Variants in HSF2BP observed in about 807,000 individuals in gnomAD.
HSF2BP encodes heat shock transcription factor 2 binding protein, also known as heat shock factor 2-binding protein.
A neutral mutation model predicts 35.0 loss-of-function variants in HSF2BP; 35 were observed. The observed-to-expected ratio is 1.00, with a 90% confidence interval of 0.76 to 1.32. The LOEUF (loss-of-function observed/expected upper bound fraction) is 1.32. HSF2BP is among the 40% of genes most tolerant of loss of function. The pLI is 0.00. For missense variants in HSF2BP, 326 were observed against 321.7 expected, an observed-to-expected ratio of 1.01 and a Z score of -0.10; for synonymous variants, 114 against 117.4, an observed-to-expected ratio of 0.97 and a Z score of 0.18.
At chr21:43,657,681 G>T (rs2082892487) in intron 2 of HSF2BP, among the ~76,000 whole-genome samples, 1 of 152,274 alleles carries the variant, frequency 6.6e-6, no homozygotes, top group African/African-American at 2.4e-5. Flanking sequence ...AAAATCGATG[G>T]AGGGCAGATT....
At chr21:43,628,799 G>A (rs2082419917) in intron 6 of HSF2BP, among the ~76,000 whole-genome samples, 1 of 152,196 alleles carries the variant, frequency 6.6e-6, no homozygotes, top group South Asian at 2.1e-4. Context: ...TGGTGCGGGT[G>A]ACTTTAATTG....
chr21:43,625,841 C>T lies in HSF2BP; in HGVS notation c.574+4481G>A, dbSNP rs181452276. ...CACCACAAACACAGGAAAACAGCCG[C>T]GCTGAGCTTGAATGCTGGGCAACAG... On this transcript the variant is annotated intron_variant, in intron 6 of 8. Transcript: ENST00000291560. 1.5e-4 allele frequency among the ~76,000 whole-genome samples: 23 copies of T among 152,306 alleles called. No individual in the cohort carries two copies. The East Asian group carries it at 3.9e-3, about 25-fold the overall frequency.
chr21:43,628,426 C>T (rs571705486), intron 6 of HSF2BP, among the ~76,000 whole-genome samples: 4 of 152,350 alleles, frequency 2.6e-5, no homozygotes, highest in Non-Finnish European at 5.9e-5. Flanking sequence ...AAGCCAAAGC[C>T]TAATTCAGAG....
At chr21:43,623,445 A>G (rs2082354254) in intron 6 of HSF2BP, among the ~76,000 whole-genome samples, 1 of 152,214 alleles carries the variant, frequency 6.6e-6, no homozygotes, top group African/African-American at 2.4e-5. Context: ...AAGGAAAGAA[A>G]TAATAAAGAT....
At chr21:43,646,691 T>C (rs890432582) in intron 3 of HSF2BP, among the ~76,000 whole-genome samples, 2 of 152,314 alleles carry the variant, frequency 1.3e-5, no homozygotes, top group Middle Eastern at 3.4e-3. Context: ...TAGTGTAAGT[T>C]AACATACCAA....
chr21:43,656,399 T>C (rs1005677374), intron 3 of HSF2BP, among the ~76,000 whole-genome samples, 188 bp downstream of exon 3: 3 of 152,236 alleles, frequency 2.0e-5, no homozygotes, highest in African/African-American at 4.8e-5. Flanking sequence ...AACCAACTTA[T>C]ACCAACTTAC....
intron 3 of HSF2BP, among the ~76,000 whole-genome samples, chr21:43,654,401 C>T (rs930386558): frequency 2.0e-5 from 3 of 152,232 alleles, no homozygotes; most frequent in South Asian, 2.1e-4. Flanking sequence ...TTCAAGGAAA[C>T]GGGACCTGGG....
At chr21:43,654,408 TG>T (rs2082837653) in intron 3 of HSF2BP, among the ~76,000 whole-genome samples, 1 of 152,246 alleles carries the variant, frequency 6.6e-6, no homozygotes, top group Non-Finnish European at 1.5e-5. Context: ...AAACGGGACC[TG>T]GGTCCGCTTC....
chr21:43,605,274 T>TCA (rs1402771454), intron 7 of HSF2BP, among the ~76,000 whole-genome samples: 1 of 100,072 alleles, frequency 1.0e-5, no homozygotes, highest in Non-Finnish European at 2.0e-5. Context: ...ACACCACAGA[T>TCA]CACACACACA....
intron 6 of HSF2BP, among the ~76,000 whole-genome samples, chr21:43,616,935 AAAAAAG>A (rs1465222029): frequency 6.6e-6 from 1 of 151,600 alleles, no homozygotes; most frequent in Non-Finnish European, 1.5e-5. Flanking sequence ...CATCTCAAAA[AAAAAAG>A]AAAAAAGGAA....
chr21:43,630,478 T>C (rs1440154095), intron 5 of HSF2BP, 24 bp from the exon 6 acceptor site: 1 of 1,602,074 alleles, frequency 6.2e-7, no homozygotes, highest in African/African-American at 1.3e-5. Flanking sequence ...AATCAGAGTG[T>C]CATATCTTTT....
intron 3 of HSF2BP, among the ~76,000 whole-genome samples, chr21:43,650,356 G>A (rs893628309): frequency 7.2e-5 from 11 of 151,844 alleles, no homozygotes; most frequent in African/African-American, 2.2e-4. Context: ...ACAGGCGCCC[G>A]CCACCATGCC....
At chr21:43,624,085 C>T (rs1223151305) in intron 6 of HSF2BP, among the ~76,000 whole-genome samples, 1 of 152,182 alleles carries the variant, frequency 6.6e-6, no homozygotes. Context: ...TCTGGCAGTT[C>T]CTCAAAAAGC....
At chr21:43,633,519 G>T in intron 4 of HSF2BP, 98 bp from the exon 5 acceptor site, 1 of 1,043,376 alleles carries the variant, frequency 9.6e-7, no homozygotes, top group Non-Finnish European at 1.3e-6. Flanking sequence ...TTAAAGAAAT[G>T]CATGTATAAT....
intron 7 of HSF2BP, among the ~76,000 whole-genome samples, chr21:43,602,889 C>A (rs998719855): frequency 2.6e-5 from 4 of 152,198 alleles, no homozygotes; most frequent in African/African-American, 9.7e-5. Context: ...GGATGAAGAA[C>A]CACCTTAAAC....
intron 7 of HSF2BP, among the ~76,000 whole-genome samples, chr21:43,607,832 A>C (rs1198514729): frequency 6.6e-6 from 1 of 152,238 alleles, no homozygotes. Context: ...CATTGACAAA[A>C]ATAAGCAATG....
intron 3 of HSF2BP, among the ~76,000 whole-genome samples, chr21:43,651,413 T>C (rs879728757): frequency 2.6e-5 from 4 of 152,062 alleles, no homozygotes; most frequent in Admixed American, 6.6e-5. Context: ...GTCCCTTCCA[T>C]TCCATCCATA....
chr21:43,585,645 CAA>C (rs111309484), intron 8 of HSF2BP, among the ~76,000 whole-genome samples: 4 of 114,858 alleles, frequency 3.5e-5, no homozygotes, highest in Non-Finnish European at 3.7e-5. Flanking sequence ...GACTCTGTCT[CAA>C]AAAAAAAAAA....
At chr21:43,635,821 C>T (rs1432883938) in intron 4 of HSF2BP, among the ~76,000 whole-genome samples, 4 of 149,988 alleles carry the variant, frequency 2.7e-5, no homozygotes, top group African/African-American at 4.9e-5. Flanking sequence ...CCCACCTACT[C>T]GGGAGGCTGA....
Sources: allele counts gnomAD v4.1 joint callset (sites outside exome capture counted in the v4.1 genomes callset), GRCh38; gene constraint gnomAD v4.1.1; transcripts MANE v1.5; gene names NCBI Gene and HGNC (gene_info 2026-07-23, HGNC 2026-07-21).